Variants in BMP7 observed in about 807,000 individuals in gnomAD.
BMP7 encodes the protein osteogenic protein 1.
In BMP7, 12 loss-of-function variants were observed where a neutral mutation model predicts 41.2. That is an observed-to-expected ratio of 0.29 (90% CI 0.19 to 0.47). The LOEUF (loss-of-function observed/expected upper bound fraction) is 0.47, where lower values mean the gene tolerates loss of function less well. BMP7 is among the 20% of genes least tolerant of loss of function. BMP7 has a pLI of 0.99. For synonymous variants in BMP7, 248 were observed against 250.0 expected (o/e 0.99, Z 0.07); for missense variants, 467 against 606.0 (o/e 0.77, Z 2.41).
intron 4 of BMP7, among the ~76,000 whole-genome samples, chr20:57,176,311 G>C (rs1322754259): frequency 6.6e-6 from 1 of 152,152 alleles, no homozygotes; most frequent in Non-Finnish European, 1.5e-5. Context: ...TGAGCTCCTG[G>C]ATCAACCAAC....
In BMP7 at chr20:57,259,868, G is replaced by A. The variant is rs544125863; in HGVS notation, c.418+5837C>T. Among the ~76,000 whole-genome samples, 16 of 151,870 alleles carry A rather than the reference G, an allele frequency of 1.1e-4. No homozygotes were observed. The South Asian group carries it at 1.5e-3, about 14-fold the overall frequency. ...GAGTTTGAGCAATTTTTTTTTTGCCGGGGAAGCTTAAATGAACTATCTGTT... is the reference window on the plus strand; with the variant it reads ...GAGTTTGAGCAATTTTTTTTTTGCCAGGGAAGCTTAAATGAACTATCTGTT... On this transcript the variant is annotated intron_variant, in intron 1 of 6. Transcript: ENST00000395863. This position sits in a 1 kb window ranked among gnomAD's most constrained non-coding sequence, Gnocchi z 4.7.
intron 1 of BMP7, among the ~76,000 whole-genome samples, chr20:57,252,952 A>G (rs1394387073): frequency 6.6e-6 from 1 of 152,150 alleles, no homozygotes; most frequent in Non-Finnish European, 1.5e-5. Flanking sequence ...AACATCCTAT[A>G]ATACACAGGA....
In BMP7 at chr20:57,174,639, T is replaced by A. The variant is rs1366529296; in HGVS notation, c.1035+292A>T. ...CATTCAAACACACGGCCCGGCATCA[T>A]CTTGAGAAGCAGCCAGCCAAGGGAT... On this transcript the variant is annotated intron_variant, in intron 5 of 6. Coordinates refer to ENST00000395863, the MANE Select transcript of BMP7 (RefSeq NM_001719.3). The surrounding 1 kb of genome is among the most constrained non-coding windows in gnomAD (Gnocchi z 4.3). 6.6e-6 allele frequency among the ~76,000 whole-genome samples: 1 copy of A among 152,038 alleles called. No homozygotes were observed. Among genetic ancestry groups the A allele is most frequent in the Non-Finnish European group, 1.5e-5 (1 of 67,992 alleles).
chr20:57,213,173 C>A lies in BMP7; in HGVS notation c.612-10550G>T, dbSNP rs890201686. ...TCTGTCTCCCTCTGGGCAGGGCCAGCTGACTGCAGACAGCACCAACCCAGC... is the reference window on the plus strand; with the variant it reads ...TCTGTCTCCCTCTGGGCAGGGCCAGATGACTGCAGACAGCACCAACCCAGC... On this transcript the variant is annotated intron_variant, in intron 2 of 6. Transcript: ENST00000395863. The surrounding 1 kb of genome is among the most constrained non-coding windows in gnomAD (Gnocchi z 4.4). 3.2e-4 allele frequency among the ~76,000 whole-genome samples: 49 copies of A among 152,202 alleles called. No individual in the cohort carries two copies. The highest frequency in any genetic ancestry group is 8.8e-5 in the Non-Finnish European group (6 of 68,034).
At chr20:57,209,283 A>G (rs1262925076) in intron 2 of BMP7, among the ~76,000 whole-genome samples, 33 of 132,702 alleles carry the variant, frequency 2.5e-4, no homozygotes, top group East Asian at 1.7e-3. Context: ...ATATATATAT[A>G]TATGTATATA....
intron 1 of BMP7, among the ~76,000 whole-genome samples, chr20:57,239,003 C>T (rs2066058894): frequency 6.6e-6 from 1 of 152,106 alleles, no homozygotes; most frequent in African/African-American, 2.4e-5. Flanking sequence ...ACCCATTTCA[C>T]CCCTGGCCCC....
chr20:57,263,597 C>T (rs2066161942), intron 1 of BMP7, among the ~76,000 whole-genome samples: 3 of 152,126 alleles, frequency 2.0e-5, no homozygotes, highest in Non-Finnish European at 4.4e-5. Flanking sequence ...ATGATTCCAG[C>T]CAGGCTCTGA....
At chr20:57,252,973 C>G (rs987742453) in intron 1 of BMP7, among the ~76,000 whole-genome samples, 2 of 152,142 alleles carry the variant, frequency 1.3e-5, no homozygotes, top group African/African-American at 4.8e-5. Flanking sequence ...CAGCTCCCAG[C>G]AGAGAACGAT....
intron 6 of BMP7, among the ~76,000 whole-genome samples, chr20:57,172,285 A>G (rs977030549): frequency 1.3e-5 from 2 of 152,202 alleles, no homozygotes; most frequent in Non-Finnish European, 2.9e-5. Context: ...AGGGCTTTGA[A>G]GTTTACAATT....
intron 3 of BMP7, among the ~76,000 whole-genome samples, chr20:57,195,311 A>G (rs1984466765): frequency 6.6e-6 from 1 of 152,202 alleles, no homozygotes; most frequent in Admixed American, 6.5e-5. Flanking sequence ...CAAGACCCAC[A>G]GCACAAGAAT....
chr20:57,264,971 C>T (rs187643908), intron 1 of BMP7, among the ~76,000 whole-genome samples: 19 of 128,190 alleles, frequency 1.5e-4, no homozygotes, highest in African/African-American at 5.7e-4. Context: ...GCAGAGGTTG[C>T]GGTGAGCAGA....
chr20:57,242,944 A>C (rs1449237816), intron 1 of BMP7, among the ~76,000 whole-genome samples: 2 of 152,174 alleles, frequency 1.3e-5, no homozygotes. Context: ...CGGAGGTTGC[A>C]GTGAGCCAAG....
At chr20:57,202,724 G>GTTGGT in intron 2 of BMP7, 101 bp from the exon 3 acceptor site, 1 of 454,248 alleles carries the variant, frequency 2.2e-6, no homozygotes, top group Non-Finnish European at 4.4e-6. Context: ...GGAGGGGAGG[G>GTTGGT]AAAGAGTCCA....
At chr20:57,256,638 C>A (rs1248922512) in intron 1 of BMP7, among the ~76,000 whole-genome samples, 6 of 152,052 alleles carry the variant, frequency 3.9e-5, no homozygotes, top group African/African-American at 1.2e-4. Context: ...GAGGCCAAGG[C>A]GGGTGGATAA....
intron 2 of BMP7, among the ~76,000 whole-genome samples, chr20:57,205,953 G>T (rs1012419075): frequency 6.6e-6 from 1 of 152,148 alleles, no homozygotes; most frequent in Non-Finnish European, 1.5e-5. Flanking sequence ...GAGATGGGTC[G>T]AGTGTGAGAT....
chr20:57,208,614 AC>A (rs1984799290), intron 2 of BMP7, among the ~76,000 whole-genome samples: 1 of 152,168 alleles, frequency 6.6e-6, no homozygotes, highest in East Asian at 1.9e-4. Context: ...ATACATGTCC[AC>A]CCAAAATCTT....
rs1172006783 is a variant in BMP7, at chr20:57,261,925, T to C, written c.418+3780A>G. On this transcript the variant is annotated intron_variant, in intron 1 of 6. Coordinates refer to ENST00000395863, the MANE Select transcript of BMP7 (RefSeq NM_001719.3). This position sits in a 1 kb window ranked among gnomAD's most constrained non-coding sequence, Gnocchi z 4.1. The stretch of plus-strand genomic sequence containing the variant: ...CTTGTCAACAAAAAGGACAGCCAGA[T>C]GGCATAAAGCAAAAATCAAACTGCA... Among the ~76,000 whole-genome samples the C allele has an allele frequency of 6.6e-6, 1 of 152,242 alleles. No homozygotes were observed. The highest frequency in any genetic ancestry group is 1.5e-5 in the Non-Finnish European group (1 of 68,042).
At chr20:57,253,057 T>C (rs766642532) in intron 1 of BMP7, among the ~76,000 whole-genome samples, 25 of 152,098 alleles carry the variant, frequency 1.6e-4, no homozygotes, top group Non-Finnish European at 3.2e-4. Flanking sequence ...ACTTCCAAGC[T>C]CCAGAGGCGC....
At chr20:57,262,631 C>G (rs1025059112) in intron 1 of BMP7, among the ~76,000 whole-genome samples, 2 of 152,116 alleles carry the variant, frequency 1.3e-5, no homozygotes, top group African/African-American at 4.8e-5. Flanking sequence ...AAGGGTCCCC[C>G]CTCCCGCGCA....
Sources: gnomAD v4.1 joint callset for allele counts (sites outside exome capture counted in the v4.1 genomes callset) on GRCh38, gnomAD v4.1.1 for gene constraint, Gnocchi (gnomAD v3.1) non-coding constraint, MANE v1.5 for transcripts, NCBI Gene and HGNC (gene_info 2026-07-23, HGNC 2026-07-21) for gene names.